Variants in ACAN observed in about 807,000 individuals in gnomAD.
The protein encoded by ACAN is aggrecan, also known as aggrecan core protein.
ACAN carries 47 observed loss-of-function variants against 169.1 expected under a neutral mutation model. The observed-to-expected ratio is 0.28, with a 90% CI of 0.22 to 0.35. The LOEUF is 0.35. ACAN is among the 10% of genes least tolerant of loss of function. ACAN has a pLI of 1.00. For missense variants in ACAN, 2,716 were observed against 2,759.9 expected, an observed-to-expected ratio of 0.98 and a Z score of 0.36; for synonymous variants, 1,115 against 1,112.2, an observed-to-expected ratio of 1.00 and a Z score of -0.05.
At chr15:88,831,044 GAAAGAA>G (rs1051864013) in intron 1 of ACAN, among the ~76,000 whole-genome samples, 2 of 152,216 alleles carry the variant, frequency 1.3e-5, no homozygotes, top group African/African-American at 2.4e-5. Flanking sequence ...AAAAGGAAAA[GAAAGAA>G]AAAGAAAAAG....
At chr15:88,824,387 G>A (rs1388034690) in intron 1 of ACAN, among the ~76,000 whole-genome samples, 1 of 151,872 alleles carries the variant, frequency 6.6e-6, no homozygotes, top group African/African-American at 2.4e-5. Context: ...AATACAAAGG[G>A]ACATTGCCTA....
intron 1 of ACAN, among the ~76,000 whole-genome samples, chr15:88,810,678 G>C (rs1020760604): frequency 6.6e-6 from 1 of 152,194 alleles, no homozygotes; most frequent in Admixed American, 6.5e-5. Context: ...AGGAGGCCTG[G>C]AGGTGTCATT....
rs1343726217 is a variant in ACAN at position 88,849,252 on chromosome 15, G to C, written c.1733-186G>C. The stretch of plus-strand genomic sequence containing the variant: ...AAACCCCAGTCCAGTACAAACCAGA[G>C]CGGTGGTCACCTATTTCCCAGGGTC... On this transcript the variant is annotated intron_variant, in intron 9 of 18. Coordinates refer to ENST00000560601, the MANE Select transcript of ACAN (RefSeq NM_001369268.1). The surrounding 1 kb of genome is among the most constrained non-coding windows in gnomAD (Gnocchi z 5.1). Among the ~76,000 whole-genome samples the C allele has an allele frequency of 6.6e-6, 1 of 152,196 alleles. No individual in the cohort carries two copies. The highest frequency in any genetic ancestry group is 1.5e-5 in the Non-Finnish European group (1 of 68,034).
Position 88,847,954 on chromosome 15 carries a change from G to A in ACAN, c.1648G>A (p.Asp550Asn). ...SPRTPCVGDK[D>N]SSPGVRTYGV... ...CCGGACCCCATGCGTGGGTGACAAG[G>A]ACAGCAGCCCAGGGGTCAGGACCTA... is the stretch of plus-strand genomic sequence containing the variant. Residue 550 changes from aspartate (D) to asparagine (N), a missense_variant, in exon 9 of 19, where the codon GAC becomes AAC. Asp to Asn is a conservative substitution (Grantham distance 23, BLOSUM62 1). Coordinates refer to ENST00000560601, the MANE Select transcript of ACAN (RefSeq NM_001369268.1). 6.2e-7 allele frequency: 1 copy of A among 1,613,850 alleles called. No homozygotes were observed. The highest frequency in any genetic ancestry group is 8.5e-7 in the Non-Finnish European group (1 of 1,179,806).
At position 88,850,148 on chromosome 15, in the gene ACAN, A is replaced by G. The variant is rs114412333; in HGVS notation, c.2026+417A>G. ...TAAATGCTCAATAAATGTTAGCTTT[A>G]TTTCATATACATATCTATATGTAAA... On this transcript the variant is annotated intron_variant, in intron 10 of 18. Coordinates refer to ENST00000560601, the MANE Select transcript of ACAN (RefSeq NM_001369268.1). 6.6e-3 allele frequency: 3,064 copies of G among 463,620 alleles called. 39 individuals carry two copies. Among genetic ancestry groups the G allele is most frequent in the African/African-American group, 0.03 (1,529 of 51,544 alleles). The allele number at this position is 463,620 out of a possible 1,614,324, so 28.7% of individuals were successfully genotyped here. A position where few individuals can be genotyped will look rare whatever the true frequency, so the allele number is the denominator to read the frequency against.
intron 2 of ACAN, 150 bp downstream of exon 2, chr15:88,836,426 ATG>A (rs1280457429): frequency 1.4e-6 from 1 of 732,406 alleles, no homozygotes; most frequent in Non-Finnish European, 2.4e-6. Context: ...CTGTTGATGC[ATG>A]CATAACTGTG....
Position 88,843,660 on chromosome 15 carries a change from C to A in ACAN, c.1051+12C>A. 1 of 1,555,040 alleles carries A rather than the reference C, an allele frequency of 6.4e-7. No homozygotes were observed. The highest frequency in any genetic ancestry group is 1.8e-5 in the Admixed American group (1 of 56,906). ...CATCTGCTACACAGGTGGGGCACGGCTGGTGGTGGGAAGGGAGTTCATGCC... is the reference window on the plus strand; with the variant it reads ...CATCTGCTACACAGGTGGGGCACGGATGGTGGTGGGAAGGGAGTTCATGCC... On this transcript the variant is annotated intron_variant, in intron 6 of 18. Coordinates refer to ENST00000560601, the MANE Select transcript of ACAN (RefSeq NM_001369268.1). The surrounding 1 kb of genome is among the most constrained non-coding windows in gnomAD (Gnocchi z 4.0).
Position 88,841,854 on chromosome 15 carries a change from C to G in ACAN, c.744C>G (p.Ala248=). ...AGACCTATGATGTGTACTGCTTCGC[C>G]GAGGAGATGGAGGGTGAGCTGCCCT... ...TNETYDVYCF[A]EEMEGEVFYA... The change falls in exon 5 of 19, where the codon GCC becomes GCG. Residue 248 remains alanine (A), a synonymous_variant. Transcript: ENST00000560601. 1.2e-6 allele frequency: 2 copies of G among 1,613,194 alleles called. No homozygotes were observed. The highest frequency in any genetic ancestry group is 1.7e-6 in the Non-Finnish European group (2 of 1,179,648).
chr15:88,852,855 G>T (rs938672641), intron 11 of ACAN, among the ~76,000 whole-genome samples: 1 of 152,222 alleles, frequency 6.6e-6, no homozygotes, highest in Admixed American at 6.5e-5. Context: ...ATACCTGGTA[G>T]AGTCAGTTTC....
chr15:88,861,449 A>G lies in ACAN; in HGVS notation c.6946+1010A>G, dbSNP rs1024580788. 9.9e-5 allele frequency among the ~76,000 whole-genome samples: 15 copies of G among 152,282 alleles called. No homozygotes were observed. The highest frequency in any genetic ancestry group is 3.6e-4 in the African/African-American group (15 of 41,550). On this transcript the variant is annotated intron_variant, in intron 13 of 18. Coordinates refer to ENST00000560601, the MANE Select transcript of ACAN (RefSeq NM_001369268.1). This position sits in a 1 kb window ranked among gnomAD's most constrained non-coding sequence, Gnocchi z 6.3. ...ACACAGAGAAGAATTCTGTGTCTAT[A>G]TATATTAATATACATGCAAATTAAT...
Position 88,857,347 on chromosome 15 carries a change from G to A in ACAN, c.4762G>A (p.Gly1588Arg). The A allele has an allele frequency of 1.2e-6, 2 of 1,613,956 alleles. No homozygotes were observed. Among genetic ancestry groups the A allele is most frequent in the South Asian group, 2.2e-5 (2 of 91,078 alleles). ...TSASGAEDLS[G>R]LPSGKEDLVG... Reference sequence around the variant, plus strand: ...AGCTTCTGGAGCTGAGGACCTCAGTGGGTTGCCTTCTGGAAAAGAAGACTT... The same window carrying A: ...AGCTTCTGGAGCTGAGGACCTCAGTAGGTTGCCTTCTGGAAAAGAAGACTT... Residue 1588 changes from glycine (G) to arginine (R), a missense_variant, in exon 12 of 19, where the codon GGG (glycine) becomes AGG (arginine). Coordinates refer to ENST00000560601, the MANE Select transcript of ACAN (RefSeq NM_001369268.1).
At position 88,858,662 on chromosome 15, in the gene ACAN, G is replaced by A. The variant is rs1367346249; in HGVS notation, c.6077G>A (p.Gly2026Glu). The A allele has an allele frequency of 4.3e-6, 7 of 1,613,852 alleles. No homozygotes were observed. The highest frequency in any genetic ancestry group is 5.9e-6 in the Non-Finnish European group (7 of 1,179,902). Residue 2026 changes from glycine (G) to glutamate (E), a missense_variant, in exon 12 of 19, where the codon GGA becomes GAA. By Grantham distance (98) the Gly-to-Glu change is moderately conservative (BLOSUM62 -2). Coordinates refer to ENST00000560601, the MANE Select transcript of ACAN (RefSeq NM_001369268.1). The surrounding 1 kb of genome is among the most constrained non-coding windows in gnomAD (Gnocchi z 4.0). ...TCCTCTGTAGCCATGGGCACCAGTG[G>A]AGAGGCCTCAGGACTTCCAGAAGTT... ...GESSVAMGTS[G>E]EASGLPEVTL...
chr15:88,857,925 T>C lies in ACAN; in HGVS notation c.5340T>C (p.Phe1780=). The C allele has an allele frequency of 6.2e-7, 1 of 1,613,786 alleles. No homozygotes were observed. Among genetic ancestry groups the C allele is most frequent in the Non-Finnish European group, 8.5e-7 (1 of 1,179,878 alleles). The part of the protein sequence containing the change: ...SGVLYGTSQP[F]GITDLSGETS... The stretch of plus-strand genomic sequence containing the variant: ...TTCTTTATGGCACTAGTCAACCCTT[T>C]GGCATAACTGATCTGAGTGGAGAAA... The change falls in exon 12 of 19, where the codon TTT becomes TTC. Residue 1780 remains phenylalanine, a synonymous_variant. Coordinates refer to ENST00000560601, the MANE Select transcript of ACAN (RefSeq NM_001369268.1).
chr15:88,867,577 A>C (rs1018850596), intron 13 of ACAN, among the ~76,000 whole-genome samples: 1 of 152,188 alleles, frequency 6.6e-6, no homozygotes, highest in African/African-American at 2.4e-5. Flanking sequence ...CATTTTTATA[A>C]GAGATTCTAA....
rs140306805 is a variant in ACAN, at chr15:88,859,308, C to T, written c.6723C>T (p.Leu2241=). 244 of 1,611,996 alleles carry T rather than the reference C, an allele frequency of 1.5e-4. No homozygotes were observed. The African/African-American group carries it at 3.1e-3, about 20-fold the overall frequency. Residue 2241 remains leucine, a synonymous_variant, in exon 12 of 19, where the codon CTC becomes CTT. Transcript: ENST00000560601. ...ETHLEIESSS[L]LYSGEETHTV... is the part of the protein sequence containing the mutation. The stretch of plus-strand genomic sequence containing the variant: ...ATCTAGAAATTGAGTCCTCAAGCCT[C>T]CTGTACTCAGGAGAAGAGACTCACA...
chr15:88,864,235 T>C (rs1291395216), intron 13 of ACAN, among the ~76,000 whole-genome samples: 2 of 152,118 alleles, frequency 1.3e-5, no homozygotes, highest in East Asian at 1.9e-4. Context: ...TACAAAAGAT[T>C]TGAAATAGTA....
chr15:88,826,092 C>T (rs1039920427), intron 1 of ACAN, among the ~76,000 whole-genome samples: 1 of 152,192 alleles, frequency 6.6e-6, no homozygotes, highest in Non-Finnish European at 1.5e-5. Context: ...CAGAGGTACG[C>T]GGTCTCTCAT....
At position 88,870,899 on chromosome 15, in the gene ACAN, G is replaced by A. The variant is rs1247072824; in HGVS notation, c.7061-483G>A. Among the ~76,000 whole-genome samples the A allele has an allele frequency of 1.3e-5, 2 of 152,162 alleles. No individual in the cohort carries two copies. Among genetic ancestry groups the A allele is most frequent in the Non-Finnish European group, 2.9e-5 (2 of 68,022 alleles). ...CTCCTCTGTTCCCACCTGAGGTTCTGCAGGAAGGAAACTGCCAGCTCCGCT... is the reference window on the plus strand; with the variant it reads ...CTCCTCTGTTCCCACCTGAGGTTCTACAGGAAGGAAACTGCCAGCTCCGCT... On this transcript the variant is annotated intron_variant, in intron 14 of 18. Transcript: ENST00000560601. This position sits in a 1 kb window ranked among gnomAD's most constrained non-coding sequence, Gnocchi z 6.3.
intron 13 of ACAN, among the ~76,000 whole-genome samples, chr15:88,862,150 G>C (rs1235792621): frequency 6.6e-6 from 1 of 152,226 alleles, no homozygotes; most frequent in Non-Finnish European, 1.5e-5. Context: ...CTGGACTTCA[G>C]GGGAGCCAGA....
Sources: allele counts gnomAD v4.1 joint callset (sites outside exome capture counted in the v4.1 genomes callset), GRCh38; gene constraint gnomAD v4.1.1; non-coding constraint Gnocchi (gnomAD v3.1); transcripts MANE v1.5; gene names NCBI Gene and HGNC (gene_info 2026-07-23, HGNC 2026-07-21).